The following ZFAND3 variants were observed in gnomAD, a reference collection of about 807,000 sequenced individuals.
ZFAND3 encodes AN1-type zinc finger protein 3.
In ZFAND3, 10 loss-of-function variants were observed where a neutral mutation model predicts 29.6. That is an observed-to-expected ratio of 0.34 (90% confidence interval 0.21 to 0.57). The LOEUF (loss-of-function observed/expected upper bound fraction) is 0.57. Among genes scored for constraint, ZFAND3 ranks in the 20% least tolerant of loss-of-function variants. The pLI, the probability that ZFAND3 is intolerant of heterozygous loss-of-function variation, is 0.86. For synonymous variants in ZFAND3, 128 were observed against 112.6 expected (o/e 1.14, Z -0.87); for missense variants, 230 against 304.5 (o/e 0.76, Z 1.82).
chr6:37,883,202 G>A (rs1764928695), intron 1 of ZFAND3, among the ~76,000 whole-genome samples: 1 of 152,172 alleles, frequency 6.6e-6, no homozygotes, highest in East Asian at 1.9e-4. Flanking sequence ...CAGCCTGGGT[G>A]ACAGAATGAG....
intron 1 of ZFAND3, among the ~76,000 whole-genome samples, chr6:37,823,951 C>G (rs1394758584): frequency 6.6e-6 from 1 of 152,086 alleles, no homozygotes; most frequent in South Asian, 2.1e-4. Context: ...GCCACCACAC[C>G]CAGCTAATTT....
chr6:37,856,697 A>G lies in ZFAND3; in HGVS notation c.71+36681A>G, dbSNP rs540028538. Among the ~76,000 whole-genome samples, 470 of 152,272 alleles carry G rather than the reference A, an allele frequency of 3.1e-3. 2 individuals carry two copies. Among genetic ancestry groups the G allele is most frequent in the African/African-American group, 0.011 (447 of 41,572 alleles). The stretch of plus-strand genomic sequence containing the variant: ...CTTTGTATTTCATAAATAATAAAAT[A>G]TACATATTTCTTATTTTTTATATAC... On this transcript the variant is annotated intron_variant, in intron 1 of 5. Coordinates refer to ENST00000287218, the MANE Select transcript of ZFAND3 (RefSeq NM_021943.3).
intron 1 of ZFAND3, among the ~76,000 whole-genome samples, chr6:37,898,846 A>G (rs917202812): frequency 6.6e-6 from 1 of 152,194 alleles, no homozygotes; most frequent in Admixed American, 6.5e-5. Context: ...ATTTCTTTCC[A>G]TGATACCCAG....
chr6:38,152,263 C>T lies in ZFAND3; in HGVS notation c.558C>T (p.Leu186=), dbSNP rs1766243529. 3.2e-6 allele frequency: 5 copies of T among 1,582,668 alleles called. No individual in the cohort carries two copies. Among genetic ancestry groups the T allele is most frequent in the Non-Finnish European group, 4.3e-6 (5 of 1,165,704 alleles). ...ATGTGTTCTGTATGTTACATCGCCT[C>T]CCCGAGCAGCACGACTGCACATTCG... ...CGYVFCMLHR[L]PEQHDCTFDH... The change falls in exon 6 of 6, where the codon CTC becomes CTT. Residue 186 remains leucine (L), a synonymous_variant. Transcript: ENST00000287218.
At chr6:37,913,921 C>T (rs1455981987) in intron 1 of ZFAND3, among the ~76,000 whole-genome samples, 2 of 151,638 alleles carry the variant, frequency 1.3e-5, no homozygotes, top group African/African-American at 4.9e-5. Context: ...GATGGGGTTT[C>T]GCCATGTTGG....
intron 2 of ZFAND3, among the ~76,000 whole-genome samples, chr6:38,057,624 A>G (rs189281489): frequency 5.1e-4 from 78 of 152,322 alleles, no homozygotes; most frequent in Admixed American, 1.9e-3. Context: ...GCTTTTAGCT[A>G]TATGCCCAGT....
chr6:37,908,808 G>A (rs917572685), intron 1 of ZFAND3, among the ~76,000 whole-genome samples: 5 of 151,042 alleles, frequency 3.3e-5, no homozygotes, highest in Admixed American at 2.6e-4. Context: ...AGATTCTAAA[G>A]GAATGACTTT....
chr6:38,017,205 C>A (rs1763266597), intron 2 of ZFAND3, among the ~76,000 whole-genome samples: 1 of 152,180 alleles, frequency 6.6e-6, no homozygotes, highest in Non-Finnish European at 1.5e-5. Context: ...AATGGAGCAT[C>A]TTCATCCAGC....
At chr6:37,854,987 G>A (rs1474581839) in intron 1 of ZFAND3, among the ~76,000 whole-genome samples, 1 of 21,886 alleles carries the variant, frequency 4.6e-5, no homozygotes. Context: ...TTTTTTTTTT[G>A]GTGAGGCATT....
At chr6:38,130,461 C>T (rs1765720867) in intron 5 of ZFAND3, among the ~76,000 whole-genome samples, 2 of 152,124 alleles carry the variant, frequency 1.3e-5, no homozygotes. Context: ...TCATAGATGG[C>T]TTTTATTATA....
intron 4 of ZFAND3, among the ~76,000 whole-genome samples, chr6:38,086,861 A>G (rs972131860): frequency 6.6e-6 from 1 of 152,228 alleles, no homozygotes; most frequent in African/African-American, 2.4e-5. Context: ...ATATGGAACA[A>G]CAAAAGACCC....
At chr6:38,017,134 G>A (rs192226828) in intron 2 of ZFAND3, among the ~76,000 whole-genome samples, 25 of 152,296 alleles carry the variant, frequency 1.6e-4, no homozygotes, top group Admixed American at 1.2e-3. Flanking sequence ...TGGGTGTTTG[G>A]CAGGTGTCTA....
At chr6:37,952,588 A>G (rs1285131861) in intron 2 of ZFAND3, among the ~76,000 whole-genome samples, 1 of 151,892 alleles carries the variant, frequency 6.6e-6, no homozygotes, top group Non-Finnish European at 1.5e-5. Flanking sequence ...TTATTTGGAT[A>G]TTCTCTCTTG....
intron 3 of ZFAND3, among the ~76,000 whole-genome samples, chr6:38,074,168 C>G (rs1764510010): frequency 6.6e-6 from 1 of 152,146 alleles, no homozygotes; most frequent in African/African-American, 2.4e-5. Context: ...TCCATGAGAT[C>G]TTTCCTTTTC....
intron 4 of ZFAND3, among the ~76,000 whole-genome samples, chr6:38,082,916 G>C (rs1156295545): frequency 6.6e-6 from 1 of 152,038 alleles, no homozygotes; most frequent in Non-Finnish European, 1.5e-5. Context: ...TTCTCTTCTA[G>C]ATGCATAGAA....
At chr6:38,090,988 AAC>A (rs1764856601) in intron 4 of ZFAND3, among the ~76,000 whole-genome samples, 1 of 152,212 alleles carries the variant, frequency 6.6e-6, no homozygotes, top group Admixed American at 6.5e-5. Context: ...TAAAGTCAAA[AAC>A]TTGTATCCAA....
chr6:38,026,421 A>ATTTTTTTTT (rs10715149), intron 2 of ZFAND3, among the ~76,000 whole-genome samples: 4 of 74,834 alleles, frequency 5.3e-5, no homozygotes, highest in African/African-American at 1.7e-4. Flanking sequence ...TTACTTTAGG[A>ATTTTTTTTT]TTTTTTTTTT....
rs1765755832 is a variant in ZFAND3, at chr6:38,132,216, A to T, written c.529+15477A>T. Among the ~76,000 whole-genome samples the T allele has an allele frequency of 2.0e-5, 3 of 152,334 alleles. No individual in the cohort carries two copies. In the South Asian group the frequency reaches 6.2e-4, roughly 32 times the overall value. Reference sequence around the variant, plus strand: ...TTGTATTAGTACTTGGACATGAATAAGATGGGTTCTGTGGGCTGGGTGCGG... The same window carrying T: ...TTGTATTAGTACTTGGACATGAATATGATGGGTTCTGTGGGCTGGGTGCGG... On this transcript the variant is annotated intron_variant, in intron 5 of 5. Coordinates refer to ENST00000287218, the MANE Select transcript of ZFAND3 (RefSeq NM_021943.3).
chr6:37,827,159 A>G (rs1347566635), intron 1 of ZFAND3, among the ~76,000 whole-genome samples: 2 of 152,196 alleles, frequency 1.3e-5, no homozygotes, highest in Non-Finnish European at 2.9e-5. Flanking sequence ...GGGAGAAGCA[A>G]TGCTATTGTT....
Sources: allele counts gnomAD v4.1 joint callset (sites outside exome capture counted in the v4.1 genomes callset), GRCh38; gene constraint gnomAD v4.1.1; transcripts MANE v1.5; gene names NCBI Gene and HGNC (gene_info 2026-07-23, HGNC 2026-07-21).